UNC13C: variants seen among roughly 807,000 people sequenced by gnomAD.
UNC13C encodes unc-13 homolog C.
UNC13C carries 174 observed loss-of-function variants against 245.4 expected under a neutral mutation model. That is an observed-to-expected ratio of 0.71 (90% CI 0.63 to 0.80). The LOEUF is 0.80. Ranked by LOEUF, UNC13C falls within the 30% of genes least tolerant of loss-of-function variation. UNC13C has a pLI of 0.00. For synonymous variants in UNC13C, 992 were observed against 895.1 expected (o/e 1.11, Z -1.93); for missense variants, 2,829 against 2,602.9 (o/e 1.09, Z -1.89).
chr15:54,180,179 C>T (rs1489490900), intron 4 of UNC13C, among the ~76,000 whole-genome samples: 1 of 152,036 alleles, frequency 6.6e-6, no homozygotes, highest in African/African-American at 2.4e-5. Flanking sequence ...CTGATAGTCC[C>T]CGGTTTCTAT....
intron 2 of UNC13C, among the ~76,000 whole-genome samples, chr15:54,060,355 A>G (rs961628130): frequency 2.0e-5 from 3 of 152,228 alleles, no homozygotes; most frequent in Non-Finnish European, 4.4e-5. Flanking sequence ...CAGCCAACAG[A>G]CACATGAAAA....
At chr15:53,931,654 A>G in the UNC13C span, among the ~76,000 whole-genome samples, 3 of 152,098 alleles carry the variant, frequency 2.0e-5, no homozygotes, top group African/African-American at 7.2e-5. Context: ...TCTAAGCTTT[A>G]AAATACATGG....
At chr15:53,890,079 G>A in the UNC13C span, among the ~76,000 whole-genome samples, 2,342 of 152,002 alleles carry the variant, frequency 0.015, 101 homozygotes, top group East Asian at 0.13. Context: ...AAATGAGTTA[G>A]GGAGGATTCT....
At chr15:54,099,676 T>C (rs900012073) in intron 2 of UNC13C, among the ~76,000 whole-genome samples, 1 of 152,132 alleles carries the variant, frequency 6.6e-6, no homozygotes, top group African/African-American at 2.4e-5. Context: ...CCCCCTTTGA[T>C]TAAAATGAAA....
Position 54,014,173 on chromosome 15 carries a change from T to A in UNC13C, c.1270T>A (p.Ser424Thr), listed in dbSNP as rs961245537. ...RERKEKGIPSSQTYESMAIKL... is the reference protein window; with the variant it reads ...RERKEKGIPSTQTYESMAIKL... ...AAGAAAAGAGAAAGGGATACCATCC[T>A]CCCAGACATATGAGAGCATGGCTAT... Residue 424 changes from serine to threonine, a missense_variant, in exon 2 of 33, where the codon TCC (serine) becomes ACC (threonine). By Grantham distance (58) the Ser-to-Thr change is moderately conservative. Transcript: ENST00000260323. 1.7e-5 allele frequency: 27 copies of A among 1,613,750 alleles called. No homozygotes were observed. The African/African-American group carries it at 1.7e-4, about 10-fold the overall frequency.
At chr15:54,551,866 A>C (rs970664157) in intron 28 of UNC13C, among the ~76,000 whole-genome samples, 1 of 151,990 alleles carries the variant, frequency 6.6e-6, no homozygotes, top group Non-Finnish European at 1.5e-5. Context: ...TCCAGCTGGC[A>C]TGAAGAACTT....
At chr15:54,454,665 A>G (rs1891376421) in intron 19 of UNC13C, among the ~76,000 whole-genome samples, 1 of 151,790 alleles carries the variant, frequency 6.6e-6, no homozygotes, top group South Asian at 2.1e-4. Flanking sequence ...ACCTATTCTG[A>G]GTACCTCATG....
chr15:54,216,126 G>C (rs8027528), intron 4 of UNC13C, among the ~76,000 whole-genome samples: 2 of 151,668 alleles, frequency 1.3e-5, no homozygotes, highest in Non-Finnish European at 2.9e-5. Context: ...GGACAAGATT[G>C]GATATCTCTT....
intron 17 of UNC13C, among the ~76,000 whole-genome samples, chr15:54,359,574 G>C (rs1484400239): frequency 6.6e-6 from 1 of 151,862 alleles, no homozygotes; most frequent in African/African-American, 2.4e-5. Flanking sequence ...TTGGTAGGCT[G>C]TATGTGTTCA....
intron 19 of UNC13C, among the ~76,000 whole-genome samples, chr15:54,426,133 G>T (rs143779601): frequency 2.6e-5 from 4 of 151,746 alleles, no homozygotes; most frequent in Admixed American, 2.0e-4. Context: ...CAGCTGATTA[G>T]CAAACTTAAT....
At chr15:54,440,581 A>G (rs962463616) in intron 19 of UNC13C, among the ~76,000 whole-genome samples, 4 of 151,966 alleles carry the variant, frequency 2.6e-5, no homozygotes, top group African/African-American at 9.7e-5. Flanking sequence ...GGTTGGTTCC[A>G]TATCTTTTCT....
intron 19 of UNC13C, among the ~76,000 whole-genome samples, chr15:54,470,265 G>A (rs1458322084): frequency 6.6e-6 from 1 of 151,530 alleles, no homozygotes; most frequent in Non-Finnish European, 1.5e-5. Context: ...ACTATGAAAT[G>A]TGATTGGAAG....
At chr15:54,360,955 A>C (rs1281026506) in intron 17 of UNC13C, among the ~76,000 whole-genome samples, 3 of 152,110 alleles carry the variant, frequency 2.0e-5, no homozygotes, top group African/African-American at 4.8e-5. Context: ...TTTGGCTTAA[A>C]TTTGGTTGGC....
rs1371121420 is a variant in UNC13C at position 54,627,956 on chromosome 15, A to AGTT, written c.*844_*846dup. ...ATATTGTTAATATCTTCCCTCTGAC[A>AGTT]GTTATGACTCTATAATCAGTTCAAT... On this transcript the variant is annotated 3_prime_UTR_variant, in exon 33 of 33. Coordinates refer to ENST00000260323, the MANE Select transcript of UNC13C (RefSeq NM_001080534.3). The AGTT allele has an allele frequency of 6.6e-6, 1 of 152,588 alleles. No individual in the cohort carries two copies. Among genetic ancestry groups the AGTT allele is most frequent in the African/African-American group, 2.4e-5 (1 of 41,464 alleles). 9.5% of individuals were successfully genotyped at this position (152,588 alleles called of 1,614,324 possible). A position where few individuals can be genotyped will look rare whatever the true frequency, so the allele number is the denominator to read the frequency against.
At chr15:54,053,560 C>T (rs925864639) in intron 2 of UNC13C, among the ~76,000 whole-genome samples, 1 of 152,104 alleles carries the variant, frequency 6.6e-6, no homozygotes, top group African/African-American at 2.4e-5. Context: ...TTGATACAGA[C>T]ATACGATGTG....
chr15:54,502,566 C>T lies in UNC13C; in HGVS notation c.5301+1588C>T, dbSNP rs61370752. 6.7e-4 allele frequency among the ~76,000 whole-genome samples: 102 copies of T among 152,188 alleles called. 1 individual carries two copies. Among genetic ancestry groups the T allele is most frequent in the Non-Finnish European group, 9.4e-4 (64 of 68,008 alleles). On this transcript the variant is annotated intron_variant, in intron 22 of 32. Transcript: ENST00000260323. The stretch of plus-strand genomic sequence containing the variant: ...TGTAGAGCATAATTCTAAAAATTCT[C>T]TAAGTCTTTTCTTGATGAGCAGCTG...
intron 2 of UNC13C, among the ~76,000 whole-genome samples, chr15:54,135,466 G>C (rs1413637234): frequency 1.3e-5 from 2 of 152,126 alleles, no homozygotes; most frequent in Admixed American, 6.5e-5. Flanking sequence ...TCCATTCCAA[G>C]TTAATTTTTA....
At chr15:54,460,113 CT>C (rs1297320364) in intron 19 of UNC13C, among the ~76,000 whole-genome samples, 1 of 152,192 alleles carries the variant, frequency 6.6e-6, no homozygotes, top group African/African-American at 2.4e-5. Flanking sequence ...TGCTCTCCCC[CT>C]AGGAATGGGG....
intron 29 of UNC13C, among the ~76,000 whole-genome samples, chr15:54,567,207 A>C (rs1236892803): frequency 3.0e-5 from 4 of 132,776 alleles, no homozygotes; most frequent in Non-Finnish European, 6.8e-5. Flanking sequence ...TTGGTTGAAT[A>C]AAAATAGCAA....
Sources: allele counts gnomAD v4.1 joint callset (sites outside exome capture counted in the v4.1 genomes callset), GRCh38; gene constraint gnomAD v4.1.1; transcripts MANE v1.5; gene names NCBI Gene and HGNC (gene_info 2026-07-23, HGNC 2026-07-21).